ZC3H6: variants seen among roughly 807,000 people sequenced by gnomAD.
ZC3H6 encodes the protein zinc finger CCCH-type containing 6.
ZC3H6 carries 40 observed loss-of-function variants against 107.7 expected under a neutral mutation model. The observed-to-expected ratio is 0.37, with a 90% CI of 0.29 to 0.48. The LOEUF is 0.48. ZC3H6 is among the 20% of genes least tolerant of loss of function. ZC3H6 has a pLI of 0.98. For synonymous variants in ZC3H6, 493 were observed against 487.9 expected (o/e 1.01, Z -0.14); for missense variants, 1,267 against 1,410.4 (o/e 0.90, Z 1.63).
At chr2:112,278,349 G>A (rs565375531) in intron 1 of ZC3H6, among the ~76,000 whole-genome samples, 2 of 152,276 alleles carry the variant, frequency 1.3e-5, no homozygotes, top group African/African-American at 2.4e-5. Flanking sequence ...ACGGAGTCTC[G>A]CTCTGTCGCC....
intron 5 of ZC3H6, among the ~76,000 whole-genome samples, chr2:112,314,062 A>G (rs1676644694): frequency 6.6e-6 from 1 of 152,234 alleles, no homozygotes; most frequent in South Asian, 2.1e-4. Flanking sequence ...CCTGATATAT[A>G]TTAATATTTT....
intron 11 of ZC3H6, among the ~76,000 whole-genome samples, chr2:112,329,221 A>C (rs1191567127): frequency 6.6e-6 from 1 of 152,100 alleles, no homozygotes; most frequent in Non-Finnish European, 1.5e-5. Context: ...GTTTTCCACC[A>C]GCCTGTCTCT....
chr2:112,319,918 A>G (rs929374576), intron 7 of ZC3H6, among the ~76,000 whole-genome samples: 2 of 152,114 alleles, frequency 1.3e-5, no homozygotes, highest in African/African-American at 4.8e-5. Flanking sequence ...ATGGATGTGT[A>G]TATGTTTATA....
At chr2:112,298,489 G>A (rs931215813) in intron 1 of ZC3H6, among the ~76,000 whole-genome samples, 3 of 152,246 alleles carry the variant, frequency 2.0e-5, no homozygotes, top group African/African-American at 7.2e-5. Flanking sequence ...CAGCCCTTGT[G>A]CAAAGCATCA....
chr2:112,316,175 TTG>T (rs1676691185), intron 5 of ZC3H6, among the ~76,000 whole-genome samples: 1 of 152,202 alleles, frequency 6.6e-6, no homozygotes, highest in Non-Finnish European at 1.5e-5. Flanking sequence ...GCATATTTTA[TTG>T]TGTCTTTGCC....
intron 3 of ZC3H6, among the ~76,000 whole-genome samples, chr2:112,305,073 A>G (rs74520906): frequency 0.017 from 2,543 of 152,286 alleles, 70 homozygotes; most frequent in African/African-American, 0.057. Flanking sequence ...GGTTGTTGCT[A>G]TTTCTCAGAA....
intron 7 of ZC3H6, among the ~76,000 whole-genome samples, chr2:112,317,721 CAAT>C (rs1676727727): frequency 6.6e-6 from 1 of 152,088 alleles, no homozygotes; most frequent in African/African-American, 2.4e-5. Context: ...TCTTACCACT[CAAT>C]GATAGATGCT....
rs1010707940 is a variant in ZC3H6, at chr2:112,337,924, G to A, written c.*5436G>A. On this transcript the variant is annotated 3_prime_UTR_variant, in exon 12 of 12. Transcript: ENST00000409871. ...GGCATGAGCCACCACGCCTGGCCCAGTCTTTTTTTTTAATTATTATTTATT... is the reference window on the plus strand; with the variant it reads ...GGCATGAGCCACCACGCCTGGCCCAATCTTTTTTTTTAATTATTATTTATT... 2.7e-5 allele frequency: 4 copies of A among 150,916 alleles called. No homozygotes were observed. The highest frequency in any genetic ancestry group is 9.7e-5 in the African/African-American group (4 of 41,064). The allele number at this position is 150,916 out of a possible 1,614,324, so 9.3% of individuals were successfully genotyped here. A position where few individuals can be genotyped will look rare whatever the true frequency, so the allele number is the denominator to read the frequency against.
chr2:112,285,177 A>G (rs1343016455), intron 1 of ZC3H6, among the ~76,000 whole-genome samples: 1 of 152,022 alleles, frequency 6.6e-6, no homozygotes, highest in African/African-American at 2.4e-5. Flanking sequence ...GAAAATTGTT[A>G]CTTTCTTTCG....
chr2:112,286,711 T>C (rs1686617922), intron 1 of ZC3H6, among the ~76,000 whole-genome samples: 1 of 152,210 alleles, frequency 6.6e-6, no homozygotes, highest in South Asian at 2.1e-4. Context: ...AGTGCTGGGC[T>C]CATAGGCATG....
chr2:112,332,024 C>T lies in ZC3H6; in HGVS notation c.3106C>T (p.Leu1036=). The T allele has an allele frequency of 1.9e-6, 3 of 1,614,044 alleles. No homozygotes were observed. The highest frequency in any genetic ancestry group is 2.5e-6 in the Non-Finnish European group (3 of 1,179,896). ...PKLSSSAGLP[L]GTSTSVLSGI... ...ACTCTCTTCCTCAGCTGGCCTTCCA[C>T]TGGGAACTTCCACTTCAGTTCTTAG... The change falls in exon 12 of 12, where the codon CTG becomes TTG. Residue 1036 remains leucine, a synonymous_variant. Coordinates refer to ENST00000409871, the MANE Select transcript of ZC3H6 (RefSeq NM_198581.3).
intron 7 of ZC3H6, among the ~76,000 whole-genome samples, chr2:112,317,937 T>C (rs1020411286): frequency 3.3e-5 from 5 of 152,350 alleles, no homozygotes; most frequent in African/African-American, 4.8e-5. Context: ...CCCCACAGAA[T>C]TGAAACTCTA....
At chr2:112,317,917 T>A (rs1676731033) in intron 7 of ZC3H6, among the ~76,000 whole-genome samples, 1 of 152,212 alleles carries the variant, frequency 6.6e-6, no homozygotes, top group Non-Finnish European at 1.5e-5. Flanking sequence ...TTATGACTAA[T>A]GAAGCTTTCC....
chr2:112,325,749 G>A (rs1457427652), intron 11 of ZC3H6, among the ~76,000 whole-genome samples: 2 of 151,906 alleles, frequency 1.3e-5, no homozygotes, highest in Non-Finnish European at 2.9e-5. Flanking sequence ...ATTTCAAAAT[G>A]ATTCAGTTAT....
At chr2:112,277,076 AT>A (rs1686440682) in intron 1 of ZC3H6, among the ~76,000 whole-genome samples, 1 of 152,206 alleles carries the variant, frequency 6.6e-6, no homozygotes, top group Non-Finnish European at 1.5e-5. Context: ...AGAAGCAAAA[AT>A]CACAAACACT....
Position 112,333,264 on chromosome 2 carries a change from C to A in ZC3H6, c.*776C>A, listed in dbSNP as rs957061113. 1 of 152,526 alleles carries A rather than the reference C, an allele frequency of 6.6e-6. No homozygotes were observed. The highest frequency in any genetic ancestry group is 2.4e-5 in the African/African-American group (1 of 41,438). The allele number at this position is 152,526 out of a possible 1,614,324, so 9.4% of individuals were successfully genotyped here. On this transcript the variant is annotated 3_prime_UTR_variant, in exon 12 of 12. Transcript: ENST00000409871. ...TGTATGTCAATGTTTTTGTCTTTAA[C>A]AGCATAATTTATATTGCTTTTTCAA...
chr2:112,306,455 G>C (rs1676480328), intron 3 of ZC3H6, among the ~76,000 whole-genome samples: 1 of 152,158 alleles, frequency 6.6e-6, no homozygotes, highest in Non-Finnish European at 1.5e-5. Flanking sequence ...TTATAGGCGT[G>C]AGCCACCGTG....
chr2:112,293,446 T>C (rs1676158318), intron 1 of ZC3H6, among the ~76,000 whole-genome samples: 1 of 152,240 alleles, frequency 6.6e-6, no homozygotes, highest in Admixed American at 6.5e-5. Flanking sequence ...TTGAAGACTA[T>C]TGATACTCAT....
In ZC3H6 at chr2:112,331,978, T is replaced by A. The variant is rs762520650; in HGVS notation, c.3060T>A (p.Ala1020=). 1.9e-6 allele frequency: 3 copies of A among 1,613,894 alleles called. No homozygotes were observed. The highest frequency in any genetic ancestry group is 2.5e-6 in the Non-Finnish European group (3 of 1,179,908). ...GAACTAGCAATTCTGGTTCCGGGGC[T>A]CTGCCTCCATATGCCCCTAAACTCT... The part of the protein sequence containing the change: ...GAGTSNSGSG[A]LPPYAPKLSS... Residue 1020 remains alanine, a synonymous_variant, in exon 12 of 12, where the codon GCT becomes GCA. Transcript: ENST00000409871.
Sources: allele counts gnomAD v4.1 joint callset (sites outside exome capture counted in the v4.1 genomes callset), GRCh38; gene constraint gnomAD v4.1.1; transcripts MANE v1.5; gene names NCBI Gene and HGNC (gene_info 2026-07-23, HGNC 2026-07-21).